FRMD4B: variants seen among roughly 807,000 people sequenced by gnomAD.
FRMD4B encodes FERM domain-containing protein 4B.
In FRMD4B, 74 loss-of-function variants were observed where a neutral mutation model predicts 141.5. The ratio of observed to expected loss-of-function variants is 0.52; its 90% confidence interval spans 0.43 to 0.63. The LOEUF is 0.63. Ranked by LOEUF, FRMD4B falls within the 30% of genes least tolerant of loss-of-function variation. The pLI is 0.00. For missense variants in FRMD4B, 1,366 were observed against 1,253.4 expected (o/e 1.09, Z -1.36); for synonymous variants, 506 against 467.9 (o/e 1.08, Z -1.05).
At chr3:69,271,293 C>T (rs1277703507) in intron 5 of FRMD4B, among the ~76,000 whole-genome samples, 1 of 152,200 alleles carries the variant, frequency 6.6e-6, no homozygotes, top group Non-Finnish European at 1.5e-5. Context: ...ACAAATAATT[C>T]AGCCTTTGTA....
chr3:69,493,996 C>T lies in FRMD4B; in HGVS notation c.-129+48210G>A, dbSNP rs577603688. Reference sequence around the variant, plus strand: ...GCCTCAAGCCATCCTCTCACCTCAGCCTCTGGAGTACCTGGGACTACAGGT... The same window carrying T: ...GCCTCAAGCCATCCTCTCACCTCAGTCTCTGGAGTACCTGGGACTACAGGT... On this transcript the variant is annotated intron_variant, in intron 1 of 5. Coordinates refer to the FRMD4B transcript ENST00000459638. Among the ~76,000 whole-genome samples, 3 of 152,166 alleles carry T rather than the reference C, an allele frequency of 2.0e-5. No homozygotes were observed. In the East Asian group the frequency reaches 5.8e-4, roughly 29 times the overall value.
intron 17 of FRMD4B, among the ~76,000 whole-genome samples, chr3:69,193,105 GGCGCCATGCTCGT>G (rs1157976407): frequency 6.6e-6 from 1 of 151,988 alleles, no homozygotes; most frequent in Non-Finnish European, 1.5e-5. Context: ...ATAGGTGTGG[GGCGCCATGCTCGT>G]GCTGCCCATA....
chr3:69,500,348 C>T (rs758252791), intron 1 of FRMD4B, among the ~76,000 whole-genome samples: 3 of 152,130 alleles, frequency 2.0e-5, no homozygotes, highest in Non-Finnish European at 2.9e-5. Flanking sequence ...TGAAGATGCG[C>T]GGAGGATCCC....
At chr3:69,217,038 G>C (rs1416032093) in intron 10 of FRMD4B, among the ~76,000 whole-genome samples, 1 of 151,458 alleles carries the variant, frequency 6.6e-6, no homozygotes, top group Non-Finnish European at 1.5e-5. Context: ...AAAAGGTTGG[G>C]GACGTTTCCA....
chr3:69,177,829 T>C (rs752049834), intron 21 of FRMD4B, among the ~76,000 whole-genome samples: 6 of 152,138 alleles, frequency 3.9e-5, no homozygotes, highest in Admixed American at 6.6e-5. Context: ...AGTTGACTTA[T>C]TGAGACTTGA....
rs1705732802 is a variant in FRMD4B, at chr3:69,463,298, G to A, written c.-128-30537C>T. On this transcript the variant is annotated intron_variant, in intron 1 of 5. Coordinates refer to the FRMD4B transcript ENST00000459638. ...ACAATCGTAGAATCTAACACATACA[G>A]TTTTGCCTGGGGGATCTGTTTTCCA... is the stretch of plus-strand genomic sequence containing the variant. 1.3e-5 allele frequency among the ~76,000 whole-genome samples: 2 copies of A among 152,324 alleles called. 1 individual carries two copies. The highest frequency in any genetic ancestry group is 4.8e-5 in the African/African-American group (2 of 41,564).
intron 1 of FRMD4B, among the ~76,000 whole-genome samples, chr3:69,485,179 G>T (rs1706194470): frequency 6.6e-6 from 1 of 152,228 alleles, no homozygotes; most frequent in African/African-American, 2.4e-5. Context: ...ACTGCTCTGT[G>T]GGTGCACACA....
chr3:69,200,505 G>C (rs752502420), intron 11 of FRMD4B: 15 of 1,031,266 alleles, frequency 1.5e-5, no homozygotes, highest in Non-Finnish European at 1.8e-5. Context: ...GCTCCGGTGA[G>C]TTCTGAACTG....
At chr3:69,203,982 T>A (rs2092997360) in intron 11 of FRMD4B, among the ~76,000 whole-genome samples, 1 of 152,182 alleles carries the variant, frequency 6.6e-6, no homozygotes, top group East Asian at 1.9e-4. Context: ...TCAGGCTTTA[T>A]AAAAACTGGC....
At chr3:69,486,945 C>T (rs1272660120) in intron 1 of FRMD4B, among the ~76,000 whole-genome samples, 2 of 152,126 alleles carry the variant, frequency 1.3e-5, no homozygotes, top group African/African-American at 4.8e-5. Flanking sequence ...TGCCCCTGCC[C>T]CCAAGGTCTC....
intron 2 of FRMD4B, among the ~76,000 whole-genome samples, chr3:69,424,673 G>A (rs1705048130): frequency 6.6e-6 from 1 of 152,030 alleles, no homozygotes; most frequent in Non-Finnish European, 1.5e-5. Context: ...CTATTAGATT[G>A]GCAGAAACAG....
chr3:69,212,026 A>AC (rs11412664), intron 11 of FRMD4B, among the ~76,000 whole-genome samples: 93,032 of 145,124 alleles, frequency 0.64, 31,174 homozygotes, highest in Non-Finnish European at 0.75. Flanking sequence ...CAGAGTAGAC[A>AC]CCCCCCAAAA....
chr3:69,426,452 AC>A (rs1163355101), intron 2 of FRMD4B, among the ~76,000 whole-genome samples: 1 of 152,194 alleles, frequency 6.6e-6, no homozygotes, highest in African/African-American at 2.4e-5. Context: ...GAGTTTTCTC[AC>A]GTTAATACCA....
intron 11 of FRMD4B, among the ~76,000 whole-genome samples, chr3:69,208,927 G>C (rs2093050235): frequency 6.6e-6 from 1 of 151,964 alleles, no homozygotes; most frequent in Admixed American, 6.6e-5. Context: ...AGGCGGATCA[G>C]GAGGTCAGGG....
At chr3:69,340,087 G>C (rs1702685989) in intron 1 of FRMD4B, among the ~76,000 whole-genome samples, 1 of 152,124 alleles carries the variant, frequency 6.6e-6, no homozygotes, top group Non-Finnish European at 1.5e-5. Context: ...CAAGGCATGA[G>C]GGGTTGGGGA....
chr3:69,274,670 C>A (rs1213714833), intron 5 of FRMD4B, among the ~76,000 whole-genome samples: 1 of 152,094 alleles, frequency 6.6e-6, no homozygotes, highest in Non-Finnish European at 1.5e-5. Flanking sequence ...AGGTGCATGC[C>A]ACCAGGCCTG....
intron 5 of FRMD4B, among the ~76,000 whole-genome samples, chr3:69,254,453 G>T (rs1421782527): frequency 6.6e-6 from 1 of 152,042 alleles, no homozygotes; most frequent in Non-Finnish European, 1.5e-5. Flanking sequence ...AAACAGGACA[G>T]GATATTAATG....
intron 11 of FRMD4B, among the ~76,000 whole-genome samples, chr3:69,213,678 T>C (rs952386966): frequency 8.7e-5 from 11 of 127,136 alleles, no homozygotes; most frequent in African/African-American, 2.8e-4. Flanking sequence ...TTTTTTTTTT[T>C]CTGACACAAG....
At chr3:69,364,075 C>G (rs1384178303) in intron 1 of FRMD4B, among the ~76,000 whole-genome samples, 1 of 152,174 alleles carries the variant, frequency 6.6e-6, no homozygotes, top group South Asian at 2.1e-4. Context: ...GATCCCTGAA[C>G]CAAATCAGGC....
Sources: allele counts gnomAD v4.1 joint callset (sites outside exome capture counted in the v4.1 genomes callset), GRCh38; gene constraint gnomAD v4.1.1; transcripts MANE v1.5; gene names NCBI Gene and HGNC (gene_info 2026-07-23, HGNC 2026-07-21).